DISC1: variants seen among roughly 807,000 people sequenced by gnomAD.
The protein encoded by DISC1 is DISC1 scaffold protein.
A neutral mutation model predicts 84.5 loss-of-function variants in DISC1; 57 were observed. That is an observed-to-expected ratio of 0.67 (90% CI 0.55 to 0.84). The LOEUF (loss-of-function observed/expected upper bound fraction) is 0.84, where lower values mean the gene tolerates loss of function less well. Ranked by LOEUF, DISC1 falls within the 40% of genes least tolerant of loss-of-function variation. DISC1 has a pLI of 0.00. For missense variants in DISC1, 1,000 were observed against 1,057.8 expected (o/e 0.95, Z 0.76); for synonymous variants, 411 against 415.2 (o/e 0.99, Z 0.12).
intron 9 of DISC1, among the ~76,000 whole-genome samples, chr1:231,858,083 A>G (rs1285331166): frequency 6.6e-6 from 1 of 152,224 alleles, no homozygotes; most frequent in Non-Finnish European, 1.5e-5. Context: ...CAAGCAAACA[A>G]CCACTTGTGT....
In DISC1 at chr1:231,897,919, G is replaced by A. The variant is rs1212415458; in HGVS notation, c.1982-60909G>A. On this transcript the variant is annotated intron_variant, in intron 9 of 12. Coordinates refer to ENST00000439617, the MANE Select transcript of DISC1 (RefSeq NM_018662.3). This position sits in a 1 kb window ranked among gnomAD's most constrained non-coding sequence, Gnocchi z 4.5. Reference sequence around the variant, plus strand: ...GGCACATTCCTGGGGCAGGGGAGAGGTGGCCCTCGATTAAATATATACGAG... The same window carrying A: ...GGCACATTCCTGGGGCAGGGGAGAGATGGCCCTCGATTAAATATATACGAG... Among the ~76,000 whole-genome samples the A allele has an allele frequency of 6.6e-6, 1 of 152,162 alleles. No homozygotes were observed. Among genetic ancestry groups the A allele is most frequent in the South Asian group, 2.1e-4 (1 of 4,822 alleles).
At position 231,694,256 on chromosome 1, in the gene DISC1, T is replaced by C. The variant is rs774425560; in HGVS notation, c.498T>C (p.Asp166=). 1 of 1,614,262 alleles carries C rather than the reference T, an allele frequency of 6.2e-7. No homozygotes were observed. The highest frequency in any genetic ancestry group is 8.5e-7 in the Non-Finnish European group (1 of 1,180,042). Residue 166 remains aspartate, a synonymous_variant, in exon 2 of 13, where the codon GAT becomes GAC. Coordinates refer to ENST00000439617, the MANE Select transcript of DISC1 (RefSeq NM_018662.3). ...CCAGCTGGGAGGCAGCCTGCAGCGA[T>C]GGAGCAAGGCGTGTCCGGGCAGCAG... is the stretch of plus-strand genomic sequence containing the variant. ...LDASWEAACS[D]GARRVRAAGS...
chr1:231,789,919 T>G (rs1467232230), intron 6 of DISC1, among the ~76,000 whole-genome samples: 1 of 152,190 alleles, frequency 6.6e-6, no homozygotes, highest in African/African-American at 2.4e-5. Context: ...ATAATAATTT[T>G]AAAATCATAA....
intron 2 of DISC1, 57 bp downstream of exon 2, chr1:231,694,862 G>A (rs1240314868): frequency 2.5e-6 from 4 of 1,592,398 alleles, no homozygotes; most frequent in Non-Finnish European, 3.4e-6. Context: ...GATTAGCACT[G>A]GGCAGACGGC....
chr1:231,775,711 T>C (rs2125491341), intron 6 of DISC1, among the ~76,000 whole-genome samples: 1 of 152,244 alleles, frequency 6.6e-6, no homozygotes, highest in Admixed American at 6.5e-5. Context: ...AAAAGATATG[T>C]TCATTTGAAT....
chr1:231,874,345 A>G (rs6656865), intron 9 of DISC1, among the ~76,000 whole-genome samples: 135,619 of 151,274 alleles, frequency 0.9, 60,875 homozygotes, highest in East Asian at 1. Context: ...TTTTTTAGTA[A>G]AGATGGGGTT....
intron 9 of DISC1, among the ~76,000 whole-genome samples, chr1:231,822,010 T>G (rs1442190415): frequency 2.0e-5 from 3 of 152,174 alleles, no homozygotes; most frequent in Admixed American, 1.3e-4. Context: ...CTACAACTGC[T>G]TTTCAAGTTA....
At chr1:231,936,352 T>C (rs2090980081) in intron 9 of DISC1, among the ~76,000 whole-genome samples, 2 of 152,186 alleles carry the variant, frequency 1.3e-5, no homozygotes, top group African/African-American at 4.8e-5. Flanking sequence ...TTCCTAGTTC[T>C]GCTGCCCCTG....
At chr1:231,983,540 GGGGT>G in intron 10 of DISC1, among the ~76,000 whole-genome samples, 1 of 1,224 alleles carries the variant, frequency 8.2e-4, no homozygotes, top group Non-Finnish European at 1.7e-3. Flanking sequence ...GGGTGGGGTG[GGGGT>G]GGGGGTGGGG....
At chr1:232,028,464 A>G (rs1669685842) in intron 12 of DISC1, among the ~76,000 whole-genome samples, 3 of 152,156 alleles carry the variant, frequency 2.0e-5, no homozygotes, top group African/African-American at 7.2e-5. Context: ...CCCCTGAAAA[A>G]CAAGGGGTTA....
chr1:231,756,729 G>C (rs1170804612), intron 4 of DISC1, among the ~76,000 whole-genome samples: 1 of 152,126 alleles, frequency 6.6e-6, no homozygotes, highest in African/African-American at 2.4e-5. Context: ...ATATGGCTTG[G>C]TGTAGTTATT....
At chr1:231,707,365 C>T (rs986235857) in intron 3 of DISC1, among the ~76,000 whole-genome samples, 1 of 152,214 alleles carries the variant, frequency 6.6e-6, no homozygotes, top group Non-Finnish European at 1.5e-5. Flanking sequence ...CCTGCCTGCA[C>T]ACCAGGACTT....
intron 9 of DISC1, among the ~76,000 whole-genome samples, chr1:231,846,192 G>A (rs12731570): frequency 0.17 from 26,513 of 152,130 alleles, 2,409 homozygotes; most frequent in Middle Eastern, 0.3. Context: ...GACCCTCCAG[G>A]GATGACCAGG....
At chr1:231,723,946 T>C (rs1049902456) in intron 3 of DISC1, 1 of 985,432 alleles carries the variant, frequency 1.0e-6, no homozygotes, top group Non-Finnish European at 1.2e-6. Flanking sequence ...TTTCACAGTT[T>C]GTGATGGTGA....
intron 3 of DISC1, among the ~76,000 whole-genome samples, chr1:231,716,449 C>A (rs1476912746): frequency 6.6e-6 from 1 of 151,748 alleles, no homozygotes; most frequent in Admixed American, 6.6e-5. Flanking sequence ...TTTTTATCTG[C>A]AGTCTAAATT....
chr1:231,665,050 T>C (rs2061899762), intron 1 of DISC1, among the ~76,000 whole-genome samples: 1 of 152,188 alleles, frequency 6.6e-6, no homozygotes, highest in East Asian at 1.9e-4. Context: ...AGAGTGTACA[T>C]GGCATCCTTT....
intron 9 of DISC1, among the ~76,000 whole-genome samples, chr1:231,947,891 A>T (rs552801670): frequency 4.9e-4 from 74 of 152,232 alleles, no homozygotes; most frequent in Non-Finnish European, 9.1e-4. Flanking sequence ...AAAAATGCAA[A>T]TCAAAACCAC....
chr1:231,676,558 C>T (rs776595421), intron 1 of DISC1, among the ~76,000 whole-genome samples: 9 of 152,176 alleles, frequency 5.9e-5, no homozygotes, highest in Non-Finnish European at 1.3e-4. Flanking sequence ...TGTCTTTTCC[C>T]CATTTCTTAT....
At chr1:231,962,447 C>A (rs775077881) in intron 10 of DISC1, among the ~76,000 whole-genome samples, 3 of 152,112 alleles carry the variant, frequency 2.0e-5, no homozygotes, top group Admixed American at 6.5e-5. Context: ...GGCATATATT[C>A]TTTCCCAAGG....
Sources: allele counts gnomAD v4.1 joint callset (sites outside exome capture counted in the v4.1 genomes callset), GRCh38; gene constraint gnomAD v4.1.1; non-coding constraint Gnocchi (gnomAD v3.1); transcripts MANE v1.5; gene names NCBI Gene and HGNC (gene_info 2026-07-23, HGNC 2026-07-21).